The following PCDHGC4 variants were observed in gnomAD, a reference collection of about 807,000 sequenced individuals.
PCDHGC4 encodes protocadherin gamma-C4.
Under a neutral mutation model 59.7 loss-of-function variants are expected in PCDHGC4, and 15 were observed. The ratio of observed to expected loss-of-function variants is 0.25; its 90% CI spans 0.17 to 0.39. PCDHGC4 has a LOEUF of 0.39. PCDHGC4 is among the 10% of genes least tolerant of loss of function. The pLI is 1.00. For missense variants in PCDHGC4, 1,016 were observed against 1,189.5 expected (o/e 0.85, Z 2.15); for synonymous variants, 434 against 481.4 (o/e 0.90, Z 1.29).
rs151119016 is a variant in PCDHGC4, at chr5:141,489,949, G to C, written c.2442+2334G>C. On this transcript the variant is annotated intron_variant, in intron 1 of 3. Transcript: ENST00000306593. The surrounding 1 kb of genome is among the most constrained non-coding windows in gnomAD (Gnocchi z 4.5). ...CTCTGTCATCGTGCTGGACATCAAT[G>C]ATAATGCTCCAACCTTCCAATCCTC... is the stretch of plus-strand genomic sequence containing the variant. 1 of 1,614,198 alleles carries C rather than the reference G, an allele frequency of 6.2e-7. No individual in the cohort carries two copies. Among genetic ancestry groups the C allele is most frequent in the Non-Finnish European group, 8.5e-7 (1 of 1,180,028 alleles).
In PCDHGC4 at chr5:141,497,558, TA is replaced by T. The variant is rs543126612; in HGVS notation, c.2501+2694del. 6.7e-3 allele frequency among the ~76,000 whole-genome samples: 979 copies of T among 145,038 alleles called. 16 individuals carry two copies. Among genetic ancestry groups the T allele is most frequent in the African/African-American group, 0.024 (931 of 38,872 alleles). On this transcript the variant is annotated intron_variant, in intron 2 of 3. Coordinates refer to ENST00000306593, the MANE Select transcript of PCDHGC4 (RefSeq NM_018928.3). The stretch of plus-strand genomic sequence containing the variant: ...AACAAACCTTTTTTTTTTTTTTTTT[TA>T]GACAGAGTCTTGCTCTGTTGCCCAA...
At position 141,491,605 on chromosome 5, in the gene PCDHGC4, T is replaced by C; in HGVS notation, c.2443-3202T>C. On this transcript the variant is annotated intron_variant, in intron 1 of 3. Coordinates refer to ENST00000306593, the MANE Select transcript of PCDHGC4 (RefSeq NM_018928.3). This position sits in a 1 kb window ranked among gnomAD's most constrained non-coding sequence, Gnocchi z 6.9. Reference sequence around the variant, plus strand: ...GGCCTCGGACGGCAGTGACTTCACTTTTCTAAGACCCCTCAGCGTTCAGCA... The same window carrying C: ...GGCCTCGGACGGCAGTGACTTCACTCTTCTAAGACCCCTCAGCGTTCAGCA... 6.2e-7 allele frequency: 1 copy of C among 1,613,868 alleles called. No individual in the cohort carries two copies. Among genetic ancestry groups the C allele is most frequent in the East Asian group, 2.2e-5 (1 of 44,858 alleles).
Position 141,491,260 on chromosome 5 carries a change from A to G in PCDHGC4, c.2443-3547A>G. On this transcript the variant is annotated intron_variant, in intron 1 of 3. Coordinates refer to ENST00000306593, the MANE Select transcript of PCDHGC4 (RefSeq NM_018928.3). This position sits in a 1 kb window ranked among gnomAD's most constrained non-coding sequence, Gnocchi z 6.9. ...TCTGGAGGATGAGGACCCTGAGGAA[A>G]TGCCCAAATCCAGTGACTTCCTCAT... 6.2e-7 allele frequency: 1 copy of G among 1,614,108 alleles called. No individual in the cohort carries two copies. The highest frequency in any genetic ancestry group is 1.7e-5 in the Admixed American group (1 of 60,028).
At chr5:141,502,710 C>T (rs2099815750) in intron 2 of PCDHGC4, among the ~76,000 whole-genome samples, 1 of 152,168 alleles carries the variant, frequency 6.6e-6, no homozygotes, top group South Asian at 2.1e-4. Context: ...GTTTTTACAT[C>T]AGTGATTACA....
At position 141,486,047 on chromosome 5, in the gene PCDHGC4, C is replaced by G. The variant is rs763394605; in HGVS notation, c.874C>G (p.Leu292Val). The G allele has an allele frequency of 3.1e-6, 5 of 1,614,172 alleles. No homozygotes were observed. The East Asian group carries it at 6.7e-5, about 22-fold the overall frequency. Residue 292 changes from leucine (L) to valine (V), a missense_variant, in exon 1 of 4, where the codon CTC becomes GTC. Transcript: ENST00000306593. This position sits in a 1 kb window ranked among gnomAD's most constrained non-coding sequence, Gnocchi z 5.0. ...SGHTPDRVRN[L>V]FSLHPTTGKL... is the part of the protein sequence containing the mutation. ...TCATACCCCTGATCGTGTAAGAAAC[C>G]TCTTTAGCCTGCACCCCACTACTGG...
At chr5:141,495,071 C>A (rs1391869079) in intron 2 of PCDHGC4, among the ~76,000 whole-genome samples, 1 of 152,160 alleles carries the variant, frequency 6.6e-6, no homozygotes, top group Non-Finnish European at 1.5e-5. Flanking sequence ...AAGCTCAATT[C>A]ACATGCTTGC....
chr5:141,491,945 C>T lies in PCDHGC4; in HGVS notation c.2443-2862C>T. ...GAGGGGAGGTGGGACCGACCCCCAC[C>T]CCTACACTCAAAAAAGGCCGGGGCC... On this transcript the variant is annotated intron_variant, in intron 1 of 3. Coordinates refer to ENST00000306593, the MANE Select transcript of PCDHGC4 (RefSeq NM_018928.3). The surrounding 1 kb of genome is among the most constrained non-coding windows in gnomAD (Gnocchi z 6.9). 1.8e-6 allele frequency: 2 copies of T among 1,116,616 alleles called. No individual in the cohort carries two copies. 69.2% of individuals were successfully genotyped at this position (1,116,616 alleles called of 1,614,324 possible). A position where few individuals can be genotyped will look rare whatever the true frequency, so the allele number is the denominator to read the frequency against.
rs761227475 is a variant in PCDHGC4 at position 141,489,382 on chromosome 5, G to A, written c.2442+1767G>A. 4 of 1,613,872 alleles carry A rather than the reference G, an allele frequency of 2.5e-6. No homozygotes were observed. The highest frequency in any genetic ancestry group is 1.7e-5 in the Admixed American group (1 of 60,006). On this transcript the variant is annotated intron_variant, in intron 1 of 3. Coordinates refer to ENST00000306593, the MANE Select transcript of PCDHGC4 (RefSeq NM_018928.3). The surrounding 1 kb of genome is among the most constrained non-coding windows in gnomAD (Gnocchi z 4.5). ...TGAGCCGGGGACGCTGGTGGGGAATGTTGCTCAGGATCTGGGCTTAAAGAT... is the reference window on the plus strand; with the variant it reads ...TGAGCCGGGGACGCTGGTGGGGAATATTGCTCAGGATCTGGGCTTAAAGAT...
At position 141,491,692 on chromosome 5, in the gene PCDHGC4, C is replaced by A. The variant is rs749349869; in HGVS notation, c.2443-3115C>A. The A allele has an allele frequency of 6.2e-7, 1 of 1,612,592 alleles. No homozygotes were observed. Among genetic ancestry groups the A allele is most frequent in the Non-Finnish European group, 8.5e-7 (1 of 1,179,338 alleles). On this transcript the variant is annotated intron_variant, in intron 1 of 3. Coordinates refer to ENST00000306593, the MANE Select transcript of PCDHGC4 (RefSeq NM_018928.3). This position sits in a 1 kb window ranked among gnomAD's most constrained non-coding sequence, Gnocchi z 6.9. ...GTCCCGCTCTAATACGCTGCGGGAG[C>A]GGAGCCAGGTGAGGGGCTCGGCGCC...
chr5:141,504,242 GTTC>G (rs903218038), intron 2 of PCDHGC4, among the ~76,000 whole-genome samples: 25 of 152,170 alleles, frequency 1.6e-4, no homozygotes, highest in African/African-American at 5.1e-4. Context: ...GAAGCAGAGA[GTTC>G]TTCTTATGGT....
chr5:141,511,265 A>G lies in PCDHGC4; in HGVS notation c.*92A>G. On this transcript the variant is annotated 3_prime_UTR_variant, in exon 4 of 4. Coordinates refer to ENST00000306593, the MANE Select transcript of PCDHGC4 (RefSeq NM_018928.3). ...ACCCAGGCCTCAGAGTTTCAGGGCT[A>G]ACCCCCAGAATACTGGTAGGGGCCA... The G allele has an allele frequency of 6.4e-7, 1 of 1,551,730 alleles. No individual in the cohort carries two copies. Among genetic ancestry groups the G allele is most frequent in the South Asian group, 1.2e-5 (1 of 83,132 alleles).
At chr5:141,488,472 T>C (rs1183465817) in intron 1 of PCDHGC4, among the ~76,000 whole-genome samples, 1 of 152,096 alleles carries the variant, frequency 6.6e-6, no homozygotes, top group East Asian at 1.9e-4. Context: ...CCAGAAATGT[T>C]CCCCTACCCA....
In PCDHGC4 at chr5:141,490,363, C is replaced by G; in HGVS notation, c.2442+2748C>G. 3 of 1,614,154 alleles carry G rather than the reference C, an allele frequency of 1.9e-6. No homozygotes were observed. Among genetic ancestry groups the G allele is most frequent in the Non-Finnish European group, 2.5e-6 (3 of 1,180,032 alleles). On this transcript the variant is annotated intron_variant, in intron 1 of 3. Transcript: ENST00000306593. This position sits in a 1 kb window ranked among gnomAD's most constrained non-coding sequence, Gnocchi z 5.4. ...CACAGTAGTGGGGTTGTTTAATGTGCGAGACCGGGACTCAGGTAGAAATGG... is the reference window on the plus strand; with the variant it reads ...CACAGTAGTGGGGTTGTTTAATGTGGGAGACCGGGACTCAGGTAGAAATGG...
At chr5:141,492,527 G>A (rs1000672383) in intron 1 of PCDHGC4, among the ~76,000 whole-genome samples, 1 of 152,184 alleles carries the variant, frequency 6.6e-6, no homozygotes, top group African/African-American at 2.4e-5. Flanking sequence ...TCTCCCACCT[G>A]CGCCCCGGGC....
At chr5:141,507,858 AC>A (rs2099864314) in intron 3 of PCDHGC4, among the ~76,000 whole-genome samples, 1 of 151,748 alleles carries the variant, frequency 6.6e-6, no homozygotes, top group African/African-American at 2.4e-5. Flanking sequence ...TCACTTTCAC[AC>A]CCGCTTCCTA....
chr5:141,505,298 T>C, intron 2 of PCDHGC4, 95 bp from the exon 3 acceptor site: 1 of 1,586,334 alleles, frequency 6.3e-7, no homozygotes, highest in Non-Finnish European at 8.6e-7. Flanking sequence ...GGGGTAGGGT[T>C]AGGGTACTAG....
chr5:141,499,104 C>A (rs2099789508), intron 2 of PCDHGC4, among the ~76,000 whole-genome samples: 1 of 152,120 alleles, frequency 6.6e-6, no homozygotes, highest in African/African-American at 2.4e-5. Flanking sequence ...CTTCTCCTCC[C>A]CACCACTATC....
intron 3 of PCDHGC4, among the ~76,000 whole-genome samples, chr5:141,507,784 T>C (rs2099863290): frequency 6.6e-6 from 1 of 152,136 alleles, no homozygotes; most frequent in Non-Finnish European, 1.5e-5. Context: ...GGCCTGACCC[T>C]CGTCTAAGCC....
chr5:141,486,659 G>A lies in PCDHGC4; in HGVS notation c.1486G>A (p.Glu496Lys), dbSNP rs758578821. ...LNALISYSLL[E>K]PRNRDVSASS... The stretch of plus-strand genomic sequence containing the variant: ...TGCGCTTATCTCCTACTCACTCCTG[G>A]AGCCCAGGAATCGAGATGTATCAGC... Residue 496 changes from glutamate (E) to lysine (K), a missense_variant, in exon 1 of 4, where the codon GAG becomes AAG. Transcript: ENST00000306593. This position sits in a 1 kb window ranked among gnomAD's most constrained non-coding sequence, Gnocchi z 5.0. 5.0e-6 allele frequency: 8 copies of A among 1,613,944 alleles called. No homozygotes were observed. Among genetic ancestry groups the A allele is most frequent in the Middle Eastern group, 1.6e-4 (1 of 6,062 alleles).
Sources: allele counts gnomAD v4.1 joint callset (sites outside exome capture counted in the v4.1 genomes callset), GRCh38; gene constraint gnomAD v4.1.1; non-coding constraint Gnocchi (gnomAD v3.1); transcripts MANE v1.5; gene names NCBI Gene and HGNC (gene_info 2026-07-23, HGNC 2026-07-21).